The following NDUFAF5 variants were observed in gnomAD, a reference collection of about 807,000 sequenced individuals.
NDUFAF5 encodes the protein NADH:ubiquinone oxidoreductase complex assembly factor 5, also known as arginine-hydroxylase NDUFAF5, mitochondrial.
Under a neutral mutation model 48.9 loss-of-function variants are expected in NDUFAF5, and 34 were observed. The observed-to-expected ratio is 0.70, with a 90% CI of 0.53 to 0.93. The LOEUF is 0.93. NDUFAF5 is among the 40% of genes least tolerant of loss of function. NDUFAF5 has a pLI of 0.00. For synonymous variants in NDUFAF5, 153 were observed against 150.6 expected, an observed-to-expected ratio of 1.02 and a Z score of -0.12; for missense variants, 428 against 427.5, an observed-to-expected ratio of 1.00 and a Z score of -0.01.
chr20:13,814,320 T>C (rs774737995), intron 8 of NDUFAF5: 1 of 548,042 alleles, frequency 1.8e-6, no homozygotes, highest in East Asian at 6.8e-5. Flanking sequence ...AAGATCATGT[T>C]ACTTCCAAAT....
chr20:13,785,128 A>G lies in NDUFAF5; in HGVS notation c.60A>G (p.Pro20=). ...GGCGACCTTGGGCGGCGAGGGTCCC[A>G]GCGGAGAATCTTGGCCGTAGGGAAG... is the stretch of plus-strand genomic sequence containing the variant. ...LCRRPWAARV[P]AENLGRREVT... The change falls in exon 1 of 11, where the codon CCA becomes CCG. Residue 20 remains proline (P), a synonymous_variant. Transcript: ENST00000378106. 2 of 1,613,944 alleles carry G rather than the reference A, an allele frequency of 1.2e-6. No individual in the cohort carries two copies. The highest frequency in any genetic ancestry group is 2.2e-5 in the East Asian group (1 of 44,874).
intron 5 of NDUFAF5, among the ~76,000 whole-genome samples, chr20:13,796,915 G>C (rs1019159552): frequency 6.6e-6 from 1 of 152,178 alleles, no homozygotes; most frequent in African/African-American, 2.4e-5. Context: ...GGAGGCAGAG[G>C]TTGCAGTGAG....
rs1027483964 is a variant in NDUFAF5 at position 13,798,505 on chromosome 20, G to C, written c.519+5G>C. 1 of 1,598,412 alleles carries C rather than the reference G, an allele frequency of 6.3e-7. No individual in the cohort carries two copies. The highest frequency in any genetic ancestry group is 8.6e-7 in the Non-Finnish European group (1 of 1,166,058). On this transcript the variant is annotated splice_donor_5th_base_variant and intron_variant, in intron 6 of 10. Coordinates refer to ENST00000378106, the MANE Select transcript of NDUFAF5 (RefSeq NM_024120.5). ...CTTCCTAGAGCACTTGAGCAGGTAA[G>C]AAAACTTATGTTCATTCAACTATCT...
At chr20:13,814,969 G>C (rs775517736) in intron 8 of NDUFAF5, among the ~76,000 whole-genome samples, 5 of 152,166 alleles carry the variant, frequency 3.3e-5, no homozygotes, top group Non-Finnish European at 7.3e-5. Context: ...CCTGTGCTCT[G>C]CAGTAGTGCT....
intron 6 of NDUFAF5, among the ~76,000 whole-genome samples, chr20:13,800,503 T>C (rs1167952456): frequency 6.6e-6 from 1 of 152,262 alleles, no homozygotes. Flanking sequence ...GCTTGTAGTC[T>C]GAGAGTGAGC....
At chr20:13,788,449 T>G (rs1981593933) in intron 2 of NDUFAF5, 140 bp from the exon 3 acceptor site, 1 of 694,934 alleles carries the variant, frequency 1.4e-6, no homozygotes, top group East Asian at 2.8e-5. Flanking sequence ...ATATACAGCT[T>G]GTAAGGTGAG....
At chr20:13,785,319 G>C (rs761811712) in intron 1 of NDUFAF5, 29 bp downstream of exon 1, 7 of 1,541,342 alleles carry the variant, frequency 4.5e-6, no homozygotes, top group Non-Finnish European at 4.4e-6. Context: ...GGGGCGGCGG[G>C]GCGGGCGACG....
chr20:13,803,008 G>GATGAAGAA (rs1247840032), intron 7 of NDUFAF5: 1 of 152,208 alleles, frequency 6.6e-6, no homozygotes, highest in Non-Finnish European at 1.5e-5. Context: ...GGAATTTCTT[G>GATGAAGAA]ATGAAGAAAG....
intron 8 of NDUFAF5, among the ~76,000 whole-genome samples, chr20:13,812,736 A>C (rs1403928670): frequency 1.3e-5 from 2 of 152,202 alleles, no homozygotes; most frequent in African/African-American, 4.8e-5. Context: ...CTGTAGTTAC[A>C]ATTTGAATTC....
At chr20:13,810,406 AG>A (rs1178556711) in intron 8 of NDUFAF5, among the ~76,000 whole-genome samples, 1 of 152,222 alleles carries the variant, frequency 6.6e-6, no homozygotes, top group African/African-American at 2.4e-5. Context: ...AGGAACAAGA[AG>A]GTTATTGGTG....
intron 6 of NDUFAF5, among the ~76,000 whole-genome samples, chr20:13,800,657 C>A (rs755011773): frequency 2.6e-5 from 4 of 152,322 alleles, no homozygotes; most frequent in Admixed American, 2.0e-4. Flanking sequence ...TGCTGTGAAT[C>A]ATAATGATTT....
intron 8 of NDUFAF5, chr20:13,816,084 C>T (rs1243191930): frequency 5.7e-6 from 2 of 350,274 alleles, no homozygotes; most frequent in Non-Finnish European, 1.1e-5. Context: ...CTGTCCTCCT[C>T]CAAAGAGCAG....
Position 13,801,011 on chromosome 20 carries a change from C to A in NDUFAF5, c.520-475C>A, listed in dbSNP as rs117073022. Among the ~76,000 whole-genome samples, 140 of 152,284 alleles carry A rather than the reference C, an allele frequency of 9.2e-4. 6 individuals are homozygous for A. In the East Asian group the frequency reaches 0.025, roughly 28 times the overall value. The stretch of plus-strand genomic sequence containing the variant: ...CCTAGACGTGGAACTGGCACACTGT[C>A]ACTTCCACTGCATTCTTTTGGCCAA... On this transcript the variant is annotated intron_variant, in intron 6 of 10. Transcript: ENST00000378106.
chr20:13,819,816 C>T lies in NDUFAF5; in HGVS notation c.*2606C>T, dbSNP rs1568792902. On this transcript the variant is annotated 3_prime_UTR_variant, in exon 11 of 11. Coordinates refer to ENST00000378106, the MANE Select transcript of NDUFAF5 (RefSeq NM_024120.5). ...TTGCTGTCAGTTGTCAATCTCAACA[C>T]CTTGACCAAAATGAACTTTCTTGAG... The T allele has an allele frequency of 1.3e-5, 2 of 152,156 alleles. No homozygotes were observed. 9.4% of individuals were successfully genotyped at this position (152,156 alleles called of 1,614,324 possible).
In NDUFAF5 at chr20:13,808,884, T is replaced by C. The variant is rs1209161635; in HGVS notation, c.760T>C (p.Leu254=). 9 of 1,600,088 alleles carry C rather than the reference T, an allele frequency of 5.6e-6. No individual in the cohort carries two copies. Among genetic ancestry groups the C allele is most frequent in the African/African-American group, 1.3e-5 (1 of 74,620 alleles). ...AGTTAACTATCCTGGAATGTTTGAA[T>C]TGATGGAAGATTTACAAGGTAAGGC... ...IQVNYPGMFE[L]MEDLQGMGES... Residue 254 remains leucine (L), a synonymous_variant, in exon 8 of 11, where the codon TTG becomes CTG. Coordinates refer to ENST00000378106, the MANE Select transcript of NDUFAF5 (RefSeq NM_024120.5).
At chr20:13,811,878 G>A (rs1985913458) in intron 8 of NDUFAF5, among the ~76,000 whole-genome samples, 1 of 152,044 alleles carries the variant, frequency 6.6e-6, no homozygotes, top group Non-Finnish European at 1.5e-5. Flanking sequence ...TATGTTCTGT[G>A]AATCCAGAAC....
At chr20:13,805,488 C>CG (rs1555835990) in intron 7 of NDUFAF5, among the ~76,000 whole-genome samples, 1 of 152,058 alleles carries the variant, frequency 6.6e-6, no homozygotes, top group Non-Finnish European at 1.5e-5. Context: ...ATGACTCATA[C>CG]TTTAATATAA....
chr20:13,793,613 T>G (rs1020764279), intron 4 of NDUFAF5, among the ~76,000 whole-genome samples: 18 of 152,216 alleles, frequency 1.2e-4, no homozygotes, highest in Non-Finnish European at 2.4e-4. Flanking sequence ...ATATGAATAC[T>G]CCATAGTTTA....
At chr20:13,805,947 T>C (rs768277089) in intron 7 of NDUFAF5, among the ~76,000 whole-genome samples, 2 of 152,008 alleles carry the variant, frequency 1.3e-5, no homozygotes, top group Non-Finnish European at 2.9e-5. Context: ...AATAATAATA[T>C]GTGTTCTAAT....
Sources: allele counts gnomAD v4.1 joint callset (sites outside exome capture counted in the v4.1 genomes callset), GRCh38; gene constraint gnomAD v4.1.1; transcripts MANE v1.5; gene names NCBI Gene and HGNC (gene_info 2026-07-23, HGNC 2026-07-21).